The following ATP11C variants were observed in gnomAD, a reference collection of about 807,000 sequenced individuals.
ATP11C encodes the protein ATPase phospholipid transporting 11C (ATP11C blood group).
Under a neutral mutation model 97.4 loss-of-function variants are expected in ATP11C, and 36 were observed. The ratio of observed to expected loss-of-function variants is 0.37; its 90% CI spans 0.28 to 0.49. The LOEUF is 0.49. Among genes scored for constraint, ATP11C ranks in the 20% least tolerant of loss-of-function variants. The pLI, the probability that ATP11C is intolerant of heterozygous loss-of-function variation, is 0.98. For synonymous variants in ATP11C, 275 were observed against 290.9 expected (o/e 0.95, Z 0.56); for missense variants, 730 against 824.6 (o/e 0.89, Z 1.40).
intron 1 of ATP11C, among the ~76,000 whole-genome samples, chrX:139,930,290 AC>A (rs2085412509): frequency 1.8e-5 from 2 of 109,776 alleles, no homozygotes; most frequent in Non-Finnish European, 3.8e-5. Flanking sequence ...GATGCAGATC[AC>A]TTTTCGCAAA....
At chrX:139,925,178 C>T (rs2085331490) in intron 1 of ATP11C, among the ~76,000 whole-genome samples, 1 of 112,044 alleles carries the variant, frequency 8.9e-6, no homozygotes, top group Non-Finnish European at 1.9e-5. Flanking sequence ...TTTAGTGAAC[C>T]TAAGAACCAC....
At position 139,844,321 on chromosome X, in the gene ATP11C, A is replaced by C. The variant is rs764806790; in HGVS notation, c.28-17498T>G. ...TTTAGGGTTGAATGCAAGGAGTAGC[A>C]GAGAGTGGAGGGCTCTGGGTAAGCA... On this transcript the variant is annotated intron_variant, in intron 1 of 29. Transcript: ENST00000682941. Among the ~76,000 whole-genome samples the C allele has an allele frequency of 2.7e-5, 3 of 112,584 alleles. No homozygotes were observed. In the South Asian group the frequency reaches 1.1e-3, roughly 42 times the overall value.
In ATP11C at chrX:139,842,180, C is replaced by T. The variant is rs943264543; in HGVS notation, c.28-15357G>A. Among the ~76,000 whole-genome samples the T allele has an allele frequency of 6.2e-5, 7 of 112,342 alleles. No homozygotes were observed. The Middle Eastern group carries it at 0.014, about 221-fold the overall frequency. ...CCAAGTAGCTGGGACTACAGGCACC[C>T]GCCACCACACGCACCTAATTTGTTT... On this transcript the variant is annotated intron_variant, in intron 1 of 29. Coordinates refer to ENST00000682941, the MANE Select transcript of ATP11C (RefSeq NM_001353812.2).
intron 1 of ATP11C, among the ~76,000 whole-genome samples, chrX:139,901,136 G>C (rs1203432728): frequency 8.9e-6 from 1 of 111,757 alleles, no homozygotes; most frequent in Non-Finnish European, 1.9e-5. Flanking sequence ...GTGACCAATG[G>C]CCTAGCCATA....
At chrX:139,783,468 G>A (rs1166395620) in intron 16 of ATP11C, among the ~76,000 whole-genome samples, 1 of 111,992 alleles carries the variant, frequency 8.9e-6, no homozygotes, top group Non-Finnish European at 1.9e-5. Flanking sequence ...AGGTCATTAT[G>A]AACACAATTA....
At chrX:139,814,144 T>C (rs1217559560) in intron 5 of ATP11C, among the ~76,000 whole-genome samples, 1 of 111,048 alleles carries the variant, frequency 9.0e-6, no homozygotes, top group Non-Finnish European at 1.9e-5. Context: ...ACCAAAAAAT[T>C]AGTGTTTGAC....
At chrX:139,835,302 C>T (rs750205666) in intron 1 of ATP11C, among the ~76,000 whole-genome samples, 35 of 111,863 alleles carry the variant, frequency 3.1e-4, no homozygotes, top group African/African-American at 9.4e-4. Context: ...TACCATCAAT[C>T]GGTCTGTATG....
chrX:139,887,768 T>C (rs1193526425), intron 1 of ATP11C, among the ~76,000 whole-genome samples: 2 of 110,653 alleles, frequency 1.8e-5, no homozygotes, highest in East Asian at 5.7e-4. Flanking sequence ...CTCAGGAGTT[T>C]GCAACCAGCC....
intron 5 of ATP11C, among the ~76,000 whole-genome samples, chrX:139,813,235 C>T (rs1161418805): frequency 8.9e-6 from 1 of 111,973 alleles, no homozygotes; most frequent in Non-Finnish European, 1.9e-5. Flanking sequence ...TAGTACTACA[C>T]ACCTGTTAAA....
At chrX:139,919,266 G>A (rs67253245) in intron 1 of ATP11C, among the ~76,000 whole-genome samples, 5,451 of 107,974 alleles carry the variant, frequency 0.05, 245 homozygotes, top group East Asian at 0.29. Context: ...CATGGCTGGC[G>A]TAGTGGCTCT....
At chrX:139,832,677 C>A (rs1227202518) in intron 1 of ATP11C, among the ~76,000 whole-genome samples, 1 of 112,006 alleles carries the variant, frequency 8.9e-6, no homozygotes, top group African/African-American at 3.2e-5. Flanking sequence ...GAGGAAGAGA[C>A]ATAATCTAAG....
intron 1 of ATP11C, among the ~76,000 whole-genome samples, chrX:139,861,764 T>C (rs1257637105): frequency 1.1e-5 from 1 of 90,249 alleles, no homozygotes; most frequent in African/African-American, 5.5e-5. Context: ...ATAATAATCC[T>C]GTTATACACA....
At chrX:139,803,455 C>T (rs1008272043) in intron 6 of ATP11C, among the ~76,000 whole-genome samples, 2 of 110,471 alleles carry the variant, frequency 1.8e-5, no homozygotes, top group Admixed American at 1.9e-4. Flanking sequence ...GAGTAACCCT[C>T]CTTAAAGGCA....
intron 1 of ATP11C, among the ~76,000 whole-genome samples, chrX:139,868,470 C>T (rs1396322899): frequency 1.8e-5 from 2 of 109,152 alleles, no homozygotes; most frequent in African/African-American, 6.7e-5. Flanking sequence ...AATCCCAACA[C>T]TTTGGGAGGC....
chrX:139,774,725 C>A lies in ATP11C; in HGVS notation c.2181G>T (p.Leu727=). ...TTCTAGTACTTTTAGGAAACTCATG[C>A]AGCAATTTCTTGCGATATTCTATCA... ...ELLIEYRKKL[L]HEFPKSTRSF... Residue 727 remains leucine, a synonymous_variant, in exon 19 of 30, where the codon CTG becomes CTT. Coordinates refer to ENST00000682941, the MANE Select transcript of ATP11C (RefSeq NM_001353812.2). 1.7e-6 allele frequency: 2 copies of A among 1,209,453 alleles called. No homozygotes were observed. Among genetic ancestry groups the A allele is most frequent in the Non-Finnish European group, 2.2e-6 (2 of 893,617 alleles).
At chrX:139,901,279 A>T (rs1172903214) in intron 1 of ATP11C, among the ~76,000 whole-genome samples, 1 of 111,629 alleles carries the variant, frequency 9.0e-6, no homozygotes, top group Non-Finnish European at 1.9e-5. Flanking sequence ...CCAGGTTTGG[A>T]AGTTGACTGG....
chrX:139,745,501 G>C (rs2081661991), intron 25 of ATP11C, among the ~76,000 whole-genome samples: 1 of 112,167 alleles, frequency 8.9e-6, no homozygotes, highest in Non-Finnish European at 1.9e-5. Flanking sequence ...TAAGGTTCCA[G>C]AAAGTTTGCA....
At chrX:139,931,970 C>T (rs1245833666) in intron 1 of ATP11C, 46 bp downstream of exon 1, 7 of 1,141,080 alleles carry the variant, frequency 6.1e-6, no homozygotes, top group Non-Finnish European at 8.2e-6. Context: ...AAGGGGCTGG[C>T]GAGCAAGCAA....
intron 1 of ATP11C, among the ~76,000 whole-genome samples, chrX:139,898,260 G>C (rs1298944437): frequency 9.0e-6 from 1 of 111,236 alleles, no homozygotes; most frequent in Non-Finnish European, 1.9e-5. Context: ...GCACGTGTAG[G>C]GCTGTTATTA....
Sources: gnomAD v4.1 joint callset for allele counts (sites outside exome capture counted in the v4.1 genomes callset) on GRCh38, gnomAD v4.1.1 for gene constraint, MANE v1.5 for transcripts, NCBI Gene and HGNC (gene_info 2026-07-23, HGNC 2026-07-21) for gene names.